The following MACF1 variants were observed in gnomAD, a reference collection of about 807,000 sequenced individuals.
MACF1 encodes the protein microtubule-actin cross-linking factor 1.
Under a neutral mutation model 854.8 loss-of-function variants are expected in MACF1, and 193 were observed. The ratio of observed to expected loss-of-function variants is 0.23; its 90% CI spans 0.20 to 0.25. The LOEUF (loss-of-function observed/expected upper bound fraction) is 0.25, where lower values mean the gene tolerates loss of function less well. Among genes scored for constraint, MACF1 ranks in the 10% least tolerant of loss-of-function variants. MACF1 has a pLI of 1.00. For missense variants in MACF1, 7,722 were observed against 8,929.1 expected (o/e 0.86, Z 5.45); for synonymous variants, 3,185 against 3,226.7 (o/e 0.99, Z 0.44).
intron 2 of MACF1, among the ~76,000 whole-genome samples, chr1:39,199,636 T>C (rs1644365153): frequency 6.6e-6 from 1 of 152,156 alleles, no homozygotes; most frequent in Non-Finnish European, 1.5e-5. Context: ...TCAAATGAAA[T>C]AACAGATGTA....
chr1:39,361,303 G>T, intron 48 of MACF1, 57 bp from the exon 49 acceptor site: 1 of 1,533,122 alleles, frequency 6.5e-7, no homozygotes, highest in Non-Finnish European at 9.0e-7. Context: ...TTAGTTTGTG[G>T]CTCAGATGTC....
intron 1 of MACF1, among the ~76,000 whole-genome samples, chr1:39,218,528 CTCTT>C (rs1309216793): frequency 6.6e-6 from 1 of 152,058 alleles, no homozygotes; most frequent in Non-Finnish European, 1.5e-5. Flanking sequence ...TTAAAACTCT[CTCTT>C]TGTATTTATG....
intron 1 of MACF1, among the ~76,000 whole-genome samples, chr1:39,219,454 A>G (rs1188167996): frequency 6.6e-6 from 1 of 152,224 alleles, no homozygotes; most frequent in Non-Finnish European, 1.5e-5. Context: ...TAAATGAGAT[A>G]AGCCTCAAAC....
rs528668719 is a variant in MACF1 at position 39,349,646 on chromosome 1, A to G, written c.10965+19A>G. The G allele has an allele frequency of 1.5e-5, 24 of 1,612,034 alleles. No individual in the cohort carries two copies. Among genetic ancestry groups the G allele is most frequent in the Middle Eastern group, 1.7e-4 (1 of 6,046 alleles). ...CTTGAAGGTCAGTGTGAATCTGTCA[A>G]TTTTGACACAAAGTCTCGCTCTATC... On this transcript the variant is annotated intron_variant, in intron 42 of 100. Coordinates refer to ENST00000564288, the MANE Select transcript of MACF1 (RefSeq NM_001394062.1).
At chr1:39,243,134 T>C (rs998640231) in intron 2 of MACF1, among the ~76,000 whole-genome samples, 1 of 152,242 alleles carries the variant, frequency 6.6e-6, no homozygotes, top group South Asian at 2.1e-4. Context: ...ATAGACATCC[T>C]AGACAGCGCT....
chr1:39,325,671 A>C (rs1245128959), intron 35 of MACF1, among the ~76,000 whole-genome samples: 4 of 152,196 alleles, frequency 2.6e-5, no homozygotes, highest in Admixed American at 2.6e-4. Context: ...CTTAAACAGG[A>C]AATTGGGACC....
Position 39,388,505 on chromosome 1 carries a change from A to G in MACF1, c.15663A>G (p.Glu5221=). ...KLTERGKARQ[E]QLELTLGRVE... ...CAGAGAGGGGGAAAGCTCGTCAGGA[A>G]CAGCTGGAACTGACACTAGGCCGTG... The change falls in exon 58 of 101, where the codon GAA becomes GAG. Residue 5221 remains glutamate, a synonymous_variant. Transcript: ENST00000564288. 1 of 1,614,200 alleles carries G rather than the reference A, an allele frequency of 6.2e-7. No individual in the cohort carries two copies. Among genetic ancestry groups the G allele is most frequent in the East Asian group, 2.2e-5 (1 of 44,884 alleles).
chr1:39,183,064 C>T (rs189109379), intron 2 of MACF1, among the ~76,000 whole-genome samples: 298 of 152,228 alleles, frequency 2.0e-3, no homozygotes, highest in Admixed American at 2.9e-3. Flanking sequence ...CATGGATCAA[C>T]CTTGAGAACA....
At chr1:39,128,386 G>T (rs1330629853) in intron 2 of MACF1, among the ~76,000 whole-genome samples, 1 of 151,974 alleles carries the variant, frequency 6.6e-6, no homozygotes, top group African/African-American at 2.4e-5. Flanking sequence ...CCTTACTTTT[G>T]AGTCTCCCTT....
chr1:39,106,919 C>T (rs1304407734), intron 2 of MACF1, among the ~76,000 whole-genome samples: 1 of 151,704 alleles, frequency 6.6e-6, no homozygotes, highest in Non-Finnish European at 1.5e-5. Flanking sequence ...CCCTCTGCAT[C>T]AGCTCCTGTA....
intron 2 of MACF1, among the ~76,000 whole-genome samples, chr1:39,184,806 G>A (rs976157771): frequency 6.6e-6 from 1 of 152,170 alleles, no homozygotes; most frequent in African/African-American, 2.4e-5. Context: ...ATAAAAGAGA[G>A]GCTAGCATTG....
chr1:39,119,483 G>C (rs1182341497), intron 2 of MACF1, among the ~76,000 whole-genome samples: 1 of 152,082 alleles, frequency 6.6e-6, no homozygotes, highest in Admixed American at 6.5e-5. Context: ...GCTGTATTGT[G>C]ATCTCTTTGA....
intron 2 of MACF1, among the ~76,000 whole-genome samples, chr1:39,120,606 C>T (rs539013340): frequency 6.6e-6 from 1 of 152,302 alleles, no homozygotes; most frequent in African/African-American, 2.4e-5. Context: ...TCGTGATCTG[C>T]CCGCCTTGGC....
intron 1 of MACF1, among the ~76,000 whole-genome samples, chr1:39,221,449 A>C (rs1644650539): frequency 6.6e-6 from 1 of 152,168 alleles, no homozygotes; most frequent in African/African-American, 2.4e-5. Flanking sequence ...TGAACTCTAG[A>C]CCAAAGATTC....
At chr1:39,201,673 A>C (rs538713674), upstream of MACF1, among the ~76,000 whole-genome samples, 6 of 151,940 alleles carry the variant, frequency 3.9e-5, no homozygotes, top group South Asian at 1.2e-3. Flanking sequence ...TTAAAACCTA[A>C]GTTAAATCGT....
intron 26 of MACF1, 137 bp downstream of exon 26, chr1:39,311,137 A>G (rs774905744): frequency 1.1e-5 from 10 of 903,902 alleles, no homozygotes; most frequent in Admixed American, 3.1e-5. Context: ...CTTGCAGTCT[A>G]TAAATGTCTT....
chr1:39,460,625 T>C lies in MACF1; in HGVS notation c.21361-7T>C. On this transcript the variant is annotated splice_polypyrimidine_tract_variant and splice_region_variant and intron_variant, in intron 91 of 100. Transcript: ENST00000564288. This position sits in a 1 kb window ranked among gnomAD's most constrained non-coding sequence, Gnocchi z 4.1. ...AAATCTTATTGACACTTCTGATTTC[T>C]GTGTAGTTGAAAGAATTTGCCAACT... The C allele has an allele frequency of 6.2e-7, 1 of 1,614,008 alleles. No individual in the cohort carries two copies. The highest frequency in any genetic ancestry group is 1.1e-5 in the South Asian group (1 of 91,080).
At chr1:39,203,185 A>G (rs1320578863), upstream of MACF1, among the ~76,000 whole-genome samples, 2 of 152,212 alleles carry the variant, frequency 1.3e-5, no homozygotes, top group African/African-American at 2.4e-5. Context: ...CTTCATCTAT[A>G]TCATAGTGTA....
intron 2 of MACF1, among the ~76,000 whole-genome samples, chr1:39,122,237 T>G (rs1642733452): frequency 1.3e-5 from 2 of 151,972 alleles, no homozygotes; most frequent in Admixed American, 6.6e-5. Context: ...TGCAGCCACT[T>G]CTGTGTTTGG....
Sources: gnomAD v4.1 joint callset for allele counts (sites outside exome capture counted in the v4.1 genomes callset) on GRCh38, gnomAD v4.1.1 for gene constraint, Gnocchi (gnomAD v3.1) non-coding constraint, MANE v1.5 for transcripts, NCBI Gene and HGNC (gene_info 2026-07-23, HGNC 2026-07-21) for gene names.